FAAP100: variants seen among roughly 807,000 people sequenced by gnomAD.
The protein encoded by FAAP100 is FA core complex associated protein 100, also known as Fanconi anemia core complex-associated protein 100.
Under a neutral mutation model 65.8 loss-of-function variants are expected in FAAP100, and 46 were observed. That is an observed-to-expected ratio of 0.70 (90% CI 0.55 to 0.89). The LOEUF (loss-of-function observed/expected upper bound fraction) is 0.89, where lower values mean the gene tolerates loss of function less well. FAAP100 is among the 40% of genes least tolerant of loss of function. FAAP100 has a pLI of 0.00. For missense variants in FAAP100, 1,165 were observed against 1,196.7 expected (o/e 0.97, Z 0.39); for synonymous variants, 663 against 555.1 (o/e 1.19, Z -2.73).
At chr17:81,544,853 G>A (rs141632475) in intron 6 of FAAP100, among the ~76,000 whole-genome samples, 160 of 152,326 alleles carry the variant, frequency 1.1e-3, no homozygotes, top group Non-Finnish European at 1.7e-3. Context: ...CAAGGTACCC[G>A]AGGGCCGAGG....
Position 81,551,020 on chromosome 17 carries a change from G to C in FAAP100, c.474C>G (p.Pro158=). 6.2e-7 allele frequency: 1 copy of C among 1,611,130 alleles called. No individual in the cohort carries two copies. ...ARWKMQLFEQ[P]CPGEDPRPGG... is the part of the protein sequence containing the mutation. ...CTGGCCGGGGGTCCTCCCCAGGACA[G>C]GGCTGCTCAAACAGCTGCATCTTCC... Residue 158 remains proline, a synonymous_variant, in exon 3 of 9, where the codon CCC becomes CCG. Transcript: ENST00000327787.
At chr17:81,546,644 G>T in intron 5 of FAAP100, 1 of 380,294 alleles carries the variant, frequency 2.6e-6, no homozygotes, top group Admixed American at 4.4e-5. Flanking sequence ...GCTGGGCTGG[G>T]GGGCCAGGAT....
intron 7 of FAAP100, among the ~76,000 whole-genome samples, chr17:81,543,322 C>G (rs1008820754): frequency 5.9e-5 from 9 of 152,208 alleles, no homozygotes; most frequent in African/African-American, 2.2e-4. Context: ...GGGACCACCC[C>G]TAAAAAGAAA....
In FAAP100 at chr17:81,547,361, G is replaced by A. The variant is rs771695198; in HGVS notation, c.1721C>T (p.Pro574Leu). 5.0e-6 allele frequency: 8 copies of A among 1,612,698 alleles called. No individual in the cohort carries two copies. Among genetic ancestry groups the A allele is most frequent in the Non-Finnish European group, 6.8e-6 (8 of 1,179,960 alleles). Residue 574 changes from proline (P) to leucine (L), a missense_variant, in exon 5 of 9, where the codon CCC becomes CTC. Transcript: ENST00000327787. ...TAGCGTCACCTCCCGCCGAGCACCG[G>A]GGCCGAGCTGGTCCACGGGGATGGT... Reference protein sequence around the residue: ...TYTIPVDQLGPGARREVTLPL... With the variant: ...TYTIPVDQLGLGARREVTLPL...
rs925200766 is a variant in FAAP100 at position 81,540,269 on chromosome 17, G to T, written c.*550C>A. On this transcript the variant is annotated 3_prime_UTR_variant, in exon 9 of 9. Coordinates refer to ENST00000327787, the MANE Select transcript of FAAP100 (RefSeq NM_025161.6). Reference sequence around the variant, plus strand: ...CTGTTTTGTGCTTTGGTCTCAGGGAGCACCCTCCTACCTCGGGGTCCCAGA... The same window carrying T: ...CTGTTTTGTGCTTTGGTCTCAGGGATCACCCTCCTACCTCGGGGTCCCAGA... 8 of 399,036 alleles carry T rather than the reference G, an allele frequency of 2.0e-5. No homozygotes were observed. Among genetic ancestry groups the T allele is most frequent in the Non-Finnish European group, 2.7e-5 (6 of 226,214 alleles). 24.7% of individuals were successfully genotyped at this position (399,036 alleles called of 1,614,324 possible).
intron 7 of FAAP100, among the ~76,000 whole-genome samples, chr17:81,541,847 A>G (rs2033106558): frequency 6.6e-6 from 1 of 152,164 alleles, no homozygotes; most frequent in Admixed American, 6.5e-5. Context: ...TGTGGGCTGC[A>G]GCACTGGCTC....
intron 7 of FAAP100, among the ~76,000 whole-genome samples, chr17:81,543,361 A>G (rs2033186324): frequency 6.6e-6 from 1 of 152,238 alleles, no homozygotes; most frequent in Non-Finnish European, 1.5e-5. Flanking sequence ...GGGTCGCTGC[A>G]GACCCACCAT....
chr17:81,546,907 A>G lies in FAAP100; in HGVS notation c.2173+2T>C. Reference sequence around the variant, plus strand: ...TGAGCAAAGCCAAGCAGTGCCACCAACCTGAGTGGCCGTCCTTCAAGGCAG... The same window carrying G: ...TGAGCAAAGCCAAGCAGTGCCACCAGCCTGAGTGGCCGTCCTTCAAGGCAG... On this transcript the variant is annotated splice_donor_variant, in intron 5 of 8. Coordinates refer to ENST00000327787, the MANE Select transcript of FAAP100 (RefSeq NM_025161.6). LOFTEE classifies it high-confidence loss of function. 7.2e-7 allele frequency: 1 copy of G among 1,383,558 alleles called. No homozygotes were observed. The highest frequency in any genetic ancestry group is 9.4e-7 in the Non-Finnish European group (1 of 1,062,236). The allele number at this position is 1,383,558 out of a possible 1,614,324, so 85.7% of individuals were successfully genotyped here. A position where few individuals can be genotyped will look rare whatever the true frequency, so the allele number is the denominator to read the frequency against.
At position 81,550,447 on chromosome 17, in the gene FAAP100, G is replaced by T; in HGVS notation, c.1047C>A (p.Cys349Ter). The change falls in exon 3 of 9, where the codon TGC (cysteine) becomes TGA (stop). Residue 349 changes from cysteine (C) to a stop codon, truncating the protein, a stop_gained. Transcript: ENST00000327787. LOFTEE classifies it high-confidence loss of function. ...REYCLPGPVL[C>*]AACGGGGRVY... ...CGCGGCCACCCCCGCCACAGGCAGC[G>T]CAGAGCACAGGGCCTGGGAGGCAGT... 6.2e-7 allele frequency: 1 copy of T among 1,612,668 alleles called. No homozygotes were observed. The highest frequency in any genetic ancestry group is 8.5e-7 in the Non-Finnish European group (1 of 1,179,946).
At position 81,550,471 on chromosome 17, in the gene FAAP100, G is replaced by A; in HGVS notation, c.1023C>T (p.Tyr341=). Residue 341 remains tyrosine (Y), a synonymous_variant, in exon 3 of 9, where the codon TAC becomes TAT. Coordinates refer to ENST00000327787, the MANE Select transcript of FAAP100 (RefSeq NM_025161.6). ...CGCAGAGCACAGGGCCTGGGAGGCA[G>A]TACTCCCGCAGCTCGGGCACCAGCT... is the stretch of plus-strand genomic sequence containing the variant. ...SGKLVPELRE[Y]CLPGPVLCAA... 6.2e-7 allele frequency: 1 copy of A among 1,612,528 alleles called. No homozygotes were observed. Among genetic ancestry groups the A allele is most frequent in the African/African-American group, 1.3e-5 (1 of 75,062 alleles).
chr17:81,545,558 A>G (rs1240649786), intron 6 of FAAP100, among the ~76,000 whole-genome samples, 188 bp downstream of exon 6: 1 of 152,166 alleles, frequency 6.6e-6, no homozygotes, highest in East Asian at 1.9e-4. Flanking sequence ...CTGAGCTGCA[A>G]GGCCCTCCCT....
chr17:81,548,172 G>T lies in FAAP100; in HGVS notation c.1404-494C>A, dbSNP rs956005177. The T allele has an allele frequency of 3.4e-5, 20 of 595,894 alleles. No homozygotes were observed. In the South Asian group the frequency reaches 3.6e-4, roughly 11 times the overall value. 36.9% of individuals were successfully genotyped at this position (595,894 alleles called of 1,614,324 possible). On this transcript the variant is annotated intron_variant, in intron 4 of 8. Transcript: ENST00000327787. ...CCGGAGTGACAGGCCCCTCGCTCTC[G>T]GGACCCCAGTGGTTATGTGAGGGGA...
At position 81,543,992 on chromosome 17, in the gene FAAP100, G is replaced by T; in HGVS notation, c.2427+12C>A. The T allele has an allele frequency of 6.2e-7, 1 of 1,602,934 alleles. No individual in the cohort carries two copies. Among genetic ancestry groups the T allele is most frequent in the African/African-American group, 1.3e-5 (1 of 74,902 alleles). ...ACAGATCCTGGCCACCTTCCCCAGC[G>T]GGCCGACATACCTGCATGCGCCCGA... On this transcript the variant is annotated intron_variant, in intron 7 of 8. Coordinates refer to ENST00000327787, the MANE Select transcript of FAAP100 (RefSeq NM_025161.6).
chr17:81,546,944 T>A lies in FAAP100; in HGVS notation c.2138A>T (p.Glu713Val). ...PSVASIKVSA[E>V]LLRAALKDGH... ...GTCCTTCAAGGCAGCTCTGAGCAGC[T>A]CCGCCGACACCTTGATGGAAGCCAC... is the stretch of plus-strand genomic sequence containing the variant. The change falls in exon 5 of 9, where the codon GAG becomes GTG. Residue 713 changes from glutamate (E) to valine (V), a missense_variant. Glu to Val is a moderately radical substitution (Grantham distance 121). Transcript: ENST00000327787. 1 of 1,455,892 alleles carries A rather than the reference T, an allele frequency of 6.9e-7. No homozygotes were observed. 90.2% of individuals were successfully genotyped at this position (1,455,892 alleles called of 1,614,324 possible).
chr17:81,549,577 CCT>C (rs1346617186), intron 3 of FAAP100, among the ~76,000 whole-genome samples: 1 of 152,230 alleles, frequency 6.6e-6, no homozygotes, highest in African/African-American at 2.4e-5. Flanking sequence ...CACCCGTAGC[CCT>C]CTCTTCCGCA....
At chr17:81,542,166 C>CAAAA (rs1157407171) in intron 7 of FAAP100, among the ~76,000 whole-genome samples, 10 of 63,726 alleles carry the variant, frequency 1.6e-4, no homozygotes, top group South Asian at 6.3e-4. Flanking sequence ...GACTCCGTCT[C>CAAAA]AAAAAAAAAA....
At chr17:81,542,166 C>CAAAAAAAAAA (rs1157407171) in intron 7 of FAAP100, among the ~76,000 whole-genome samples, 2 of 63,730 alleles carry the variant, frequency 3.1e-5, no homozygotes, top group African/African-American at 8.6e-5. Context: ...GACTCCGTCT[C>CAAAAAAAAAA]AAAAAAAAAA....
chr17:81,548,257 G>A (rs55658471), intron 4 of FAAP100: 56,502 of 516,580 alleles, frequency 0.11, 3,686 homozygotes, highest in African/African-American at 0.2. Flanking sequence ...CCAGTGCTGC[G>A]GGAGGAAAAG....
upstream of FAAP100, chr17:81,552,452 G>A (rs2033533903): frequency 2.1e-6 from 2 of 971,350 alleles, no homozygotes; most frequent in South Asian, 9.4e-5. Flanking sequence ...GGCGGTGCCG[G>A]GGGCGGGCCG....
Sources: allele counts gnomAD v4.1 joint callset (sites outside exome capture counted in the v4.1 genomes callset), GRCh38; gene constraint gnomAD v4.1.1; transcripts MANE v1.5; gene names NCBI Gene and HGNC (gene_info 2026-07-23, HGNC 2026-07-21).